Variants in ITPKB observed in about 807,000 individuals in gnomAD.
The protein encoded by ITPKB is IP3 3-kinase B.
In ITPKB, 13 loss-of-function variants were observed where a neutral mutation model predicts 69.4. The observed-to-expected ratio is 0.19, with a 90% CI of 0.12 to 0.30. The LOEUF is 0.30. ITPKB is among the 10% of genes least tolerant of loss of function. ITPKB has a pLI of 1.00. For missense variants in ITPKB, 1,240 were observed against 1,250.5 expected (o/e 0.99, Z 0.13); for synonymous variants, 584 against 513.7 (o/e 1.14, Z -1.85).
intron 2 of ITPKB, among the ~76,000 whole-genome samples, chr1:226,729,288 C>T (rs1352303565): frequency 1.3e-5 from 2 of 152,002 alleles, no homozygotes; most frequent in African/African-American, 4.8e-5. Flanking sequence ...TAGAGACCAT[C>T]CTGGCCAACA....
chr1:226,734,422 G>C (rs1396932080), intron 2 of ITPKB, among the ~76,000 whole-genome samples: 1 of 152,206 alleles, frequency 6.6e-6, no homozygotes, highest in Non-Finnish European at 1.5e-5. Context: ...TCCCAGTCGT[G>C]GTGGAGAAAG....
chr1:226,678,090 A>G (rs1458977138), intron 2 of ITPKB, among the ~76,000 whole-genome samples: 8 of 152,220 alleles, frequency 5.3e-5, no homozygotes, highest in Admixed American at 5.2e-4. Flanking sequence ...TAGAGTCTAG[A>G]TTTGGATAGA....
intron 2 of ITPKB, among the ~76,000 whole-genome samples, chr1:226,675,715 G>A (rs1283091120): frequency 1.3e-5 from 2 of 152,062 alleles, no homozygotes; most frequent in Non-Finnish European, 2.9e-5. Context: ...CACATCCTTG[G>A]GCTGCTGTGA....
At chr1:226,715,223 C>T (rs1657066282) in intron 2 of ITPKB, among the ~76,000 whole-genome samples, 1 of 152,166 alleles carries the variant, frequency 6.6e-6, no homozygotes, top group Admixed American at 6.5e-5. Context: ...TACATGTATC[C>T]CTACTGCCAG....
At chr1:226,690,009 T>C (rs1027305478) in intron 2 of ITPKB, among the ~76,000 whole-genome samples, 2 of 152,212 alleles carry the variant, frequency 1.3e-5, no homozygotes, top group African/African-American at 4.8e-5. Context: ...CTTTATCCAG[T>C]CTACCACTGA....
intron 2 of ITPKB, among the ~76,000 whole-genome samples, chr1:226,710,368 T>C (rs1656916534): frequency 6.6e-6 from 1 of 152,196 alleles, no homozygotes; most frequent in Non-Finnish European, 1.5e-5. Context: ...CAGTGCAAAG[T>C]AAAAATGCAG....
chr1:226,644,043 C>T (rs1296793284), intron 4 of ITPKB, among the ~76,000 whole-genome samples: 6 of 152,218 alleles, frequency 3.9e-5, no homozygotes, highest in African/African-American at 9.6e-5. Flanking sequence ...TGTAGGGGAC[C>T]GCATGGTGGG....
At position 226,639,667 on chromosome 1, in the gene ITPKB, G is replaced by C. The variant is rs1184464659; in HGVS notation, c.2452-9C>G. The C allele has an allele frequency of 1.9e-6, 3 of 1,594,600 alleles. No individual in the cohort carries two copies. Among genetic ancestry groups the C allele is most frequent in the Non-Finnish European group, 2.6e-6 (3 of 1,162,382 alleles). On this transcript the variant is annotated splice_polypyrimidine_tract_variant and intron_variant, in intron 5 of 7. Coordinates refer to ENST00000429204, the MANE Select transcript of ITPKB (RefSeq NM_002221.4). The stretch of plus-strand genomic sequence containing the variant: ...ACGGTGCCGTCTTCTTTCTGAGAAA[G>C]AGAACACCCCACCCAGGAGGGGGTC...
intron 2 of ITPKB, among the ~76,000 whole-genome samples, chr1:226,732,540 C>CTTTTT (rs1174629347): frequency 7.0e-6 from 1 of 142,268 alleles, no homozygotes; most frequent in African/African-American, 2.7e-5. Context: ...GCCCAGCGTT[C>CTTTTT]TTTTGTTTTT....
rs768891122 is a variant in ITPKB at position 226,642,366 on chromosome 1, C to T, written c.2247-241G>A. On this transcript the variant is annotated intron_variant, in intron 4 of 7. Transcript: ENST00000429204. This position sits in a 1 kb window ranked among gnomAD's most constrained non-coding sequence, Gnocchi z 6.4. ...ATTTTTTTAGTAGATAAGGGAGTCT[C>T]GCTATGTTGCCCCGGCTGGTCTCAA... Among the ~76,000 whole-genome samples, 3 of 151,882 alleles carry T rather than the reference C, an allele frequency of 2.0e-5. No individual in the cohort carries two copies. The highest frequency in any genetic ancestry group is 4.4e-5 in the Non-Finnish European group (3 of 67,982).
At chr1:226,667,692 G>A (rs1359985742) in intron 2 of ITPKB, among the ~76,000 whole-genome samples, 1 of 152,188 alleles carries the variant, frequency 6.6e-6, no homozygotes, top group African/African-American at 2.4e-5. Flanking sequence ...GCTTTCTCCT[G>A]CAGATCTGGG....
chr1:226,636,794 GAGAC>G (rs1558298460), intron 7 of ITPKB, among the ~76,000 whole-genome samples: 10 of 116,874 alleles, frequency 8.6e-5, no homozygotes, highest in Non-Finnish European at 1.3e-4. Context: ...GTGTGTGTGT[GAGAC>G]TGGGAAAGGC....
intron 2 of ITPKB, among the ~76,000 whole-genome samples, chr1:226,678,126 C>G (rs1385782823): frequency 6.6e-6 from 1 of 152,212 alleles, no homozygotes; most frequent in Non-Finnish European, 1.5e-5. Context: ...AATATACTCT[C>G]TGGCCACACC....
At chr1:226,653,977 A>G (rs1319371449) in intron 2 of ITPKB, among the ~76,000 whole-genome samples, 1 of 152,194 alleles carries the variant, frequency 6.6e-6, no homozygotes, top group East Asian at 1.9e-4. Context: ...CCTGCTCTGT[A>G]AGAGAGTCTC....
At chr1:226,685,437 T>G (rs1320930501) in intron 2 of ITPKB, among the ~76,000 whole-genome samples, 1 of 152,148 alleles carries the variant, frequency 6.6e-6, no homozygotes, top group Non-Finnish European at 1.5e-5. Flanking sequence ...CAACTTGGAA[T>G]CATCTTTCCC....
chr1:226,671,938 G>A (rs1414994136), intron 2 of ITPKB, among the ~76,000 whole-genome samples: 1 of 152,206 alleles, frequency 6.6e-6, no homozygotes, highest in Non-Finnish European at 1.5e-5. Context: ...TTATGTCAGT[G>A]AGATAGGAAG....
intron 2 of ITPKB, among the ~76,000 whole-genome samples, chr1:226,678,974 T>TCA (rs1396405857): frequency 6.6e-6 from 1 of 152,200 alleles, no homozygotes; most frequent in Admixed American, 6.5e-5. Context: ...AGAGACCACA[T>TCA]GGTTGCCTAG....
Position 226,641,605 on chromosome 1 carries a change from C to G in ITPKB, c.2451+316G>C, listed in dbSNP as rs1403817212. Among the ~76,000 whole-genome samples the G allele has an allele frequency of 6.6e-6, 1 of 152,234 alleles. No individual in the cohort carries two copies. Among genetic ancestry groups the G allele is most frequent in the Non-Finnish European group, 1.5e-5 (1 of 68,048 alleles). On this transcript the variant is annotated intron_variant, in intron 5 of 7. Coordinates refer to ENST00000429204, the MANE Select transcript of ITPKB (RefSeq NM_002221.4). This position sits in a 1 kb window ranked among gnomAD's most constrained non-coding sequence, Gnocchi z 4.6. ...CCATGGCAGAATGAACCAGCTACCC[C>G]ACAGGCATCCCGCAGGTGCCTCTCG...
At chr1:226,707,695 A>C in intron 2 of ITPKB, 2 of 1,029,368 alleles carry the variant, frequency 1.9e-6, no homozygotes, top group Non-Finnish European at 2.4e-6. Context: ...AAACTAAAGA[A>C]TTACAAATTA....
Sources: gnomAD v4.1 joint callset for allele counts (sites outside exome capture counted in the v4.1 genomes callset) on GRCh38, gnomAD v4.1.1 for gene constraint, Gnocchi (gnomAD v3.1) non-coding constraint, MANE v1.5 for transcripts, NCBI Gene and HGNC (gene_info 2026-07-23, HGNC 2026-07-21) for gene names.